The following NHS variants were observed in gnomAD, a reference collection of about 807,000 sequenced individuals.
NHS encodes the protein NHS actin remodeling regulator.
Under a neutral mutation model 72.5 loss-of-function variants are expected in NHS, and 5 were observed. That is an observed-to-expected ratio of 0.07 (90% confidence interval 0.04 to 0.14). NHS has a LOEUF of 0.14. Among genes scored for constraint, NHS ranks in the 10% least tolerant of loss-of-function variants. The probability of loss-of-function intolerance (pLI) is 1.00; values close to 1 mark genes in which losing one functional copy is unlikely to be tolerated. For synonymous variants in NHS, 464 were observed against 547.7 expected, an observed-to-expected ratio of 0.85 and a Z score of 2.13; for missense variants, 1,072 against 1,355.7, an observed-to-expected ratio of 0.79 and a Z score of 3.29.
intron 1 of NHS, among the ~76,000 whole-genome samples, chrX:17,389,109 T>C (rs1159688786): frequency 8.9e-6 from 1 of 112,128 alleles, no homozygotes; most frequent in African/African-American, 3.2e-5. Flanking sequence ...ATTTAAAAAG[T>C]GTCCTAACTA....
At chrX:17,563,578 A>C (rs149838529) in intron 1 of NHS, among the ~76,000 whole-genome samples, 40 of 112,492 alleles carry the variant, frequency 3.6e-4, no homozygotes, top group African/African-American at 1.3e-3. Flanking sequence ...AAAGGTATTG[A>C]AGAGGAAAAG....
At position 17,456,167 on chromosome X, in the gene NHS, G is replaced by A. The variant is rs781562881; in HGVS notation, c.565+79845G>A. Among the ~76,000 whole-genome samples the A allele has an allele frequency of 1.6e-4, 18 of 111,924 alleles. No homozygotes were observed. In the South Asian group the frequency reaches 6.4e-3, roughly 40 times the overall value. On this transcript the variant is annotated intron_variant, in intron 1 of 8. Coordinates refer to ENST00000676302, the MANE Select transcript of NHS (RefSeq NM_001291867.2). ...TTTTGCCCATGAAGAACTCATGTAT[G>A]GAGATCTATGCATACAGACATAAAT... is the stretch of plus-strand genomic sequence containing the variant.
rs796409129 is a variant in NHS at position 17,673,237 on chromosome X, C to CACACAG, written c.566-14504_566-14503insCACAGA. Among the ~76,000 whole-genome samples the CACACAG allele has an allele frequency of 5.8e-3, 548 of 95,013 alleles. 18 individuals are homozygous for CACACAG. Among genetic ancestry groups the CACACAG allele is most frequent in the Middle Eastern group, 0.016 (3 of 184 alleles). The allele number at this position is 95,013 out of a possible 115,157, so 82.5% of individuals were successfully genotyped here. ...ACACACACACACACACACACACACACAAGAAAGCTCGTCTGAGCCAGGGAC... is the reference window on the plus strand; with the variant it reads ...ACACACACACACACACACACACACACACACAGAAGAAAGCTCGTCTGAGCCAGGGAC... On this transcript the variant is annotated intron_variant, in intron 1 of 8. Transcript: ENST00000676302.
chrX:17,677,829 A>C (rs753254248), intron 1 of NHS, among the ~76,000 whole-genome samples: 1 of 111,572 alleles, frequency 9.0e-6, no homozygotes, highest in South Asian at 3.8e-4. Flanking sequence ...TATTTTTGAG[A>C]CAGGGTCTCA....
At chrX:17,665,746 T>G (rs2066009485) in intron 1 of NHS, among the ~76,000 whole-genome samples, 1 of 112,171 alleles carries the variant, frequency 8.9e-6, no homozygotes, top group Admixed American at 9.4e-5. Flanking sequence ...TATTATTTCT[T>G]CCCTAAATGT....
intron 1 of NHS, among the ~76,000 whole-genome samples, chrX:17,472,501 G>T (rs2064896726): frequency 8.9e-6 from 1 of 112,334 alleles, no homozygotes; most frequent in Admixed American, 9.4e-5. Context: ...GAGACAGAGA[G>T]ATCTGATTCC....
chrX:17,426,320 C>T (rs2064657178), intron 1 of NHS, among the ~76,000 whole-genome samples: 1 of 111,964 alleles, frequency 8.9e-6, no homozygotes, highest in Admixed American at 9.5e-5. Flanking sequence ...TGTTTAGCTT[C>T]AGGGGAGGAA....
intron 1 of NHS, among the ~76,000 whole-genome samples, chrX:17,382,665 A>G (rs1031989453): frequency 8.9e-6 from 1 of 112,440 alleles, no homozygotes; most frequent in Non-Finnish European, 1.9e-5. Flanking sequence ...TGAAAAGACC[A>G]TCATTTCCCC....
rs752841030 is a variant in NHS, at chrX:17,721,562, C to T, written c.1037C>T (p.Pro346Leu). The T allele has an allele frequency of 3.3e-6, 4 of 1,209,736 alleles. No individual in the cohort carries two copies. The highest frequency in any genetic ancestry group is 1.7e-5 in the African/African-American group (1 of 57,203). The change falls in exon 5 of 9, where the codon CCG becomes CTG. Residue 346 changes from proline to leucine, a missense_variant. Coordinates refer to ENST00000676302, the MANE Select transcript of NHS (RefSeq NM_001291867.2). ...QTNWSKALPLPTPEEKMKQDA... is the reference protein window; with the variant it reads ...QTNWSKALPLLTPEEKMKQDA... ...AACTGGAGCAAAGCACTACCTCTCC[C>T]GACGCCAGAGGAGAAGATGAAACAA...
chrX:17,700,582 G>A (rs1190543982), intron 3 of NHS, among the ~76,000 whole-genome samples: 1 of 112,200 alleles, frequency 8.9e-6, no homozygotes, highest in Non-Finnish European at 1.9e-5. Flanking sequence ...CTCATACATT[G>A]CTGGTGGAAA....
At chrX:17,482,777 C>A (rs1255264258) in intron 1 of NHS, among the ~76,000 whole-genome samples, 1 of 112,270 alleles carries the variant, frequency 8.9e-6, no homozygotes, top group Non-Finnish European at 1.9e-5. Flanking sequence ...AGGCAGTAAG[C>A]ACCATCCTCC....
At position 17,375,985 on chromosome X, in the gene NHS, G is replaced by A; in HGVS notation, c.228G>A (p.Ala76=). The change falls in exon 1 of 9, where the codon GCG becomes GCA. Residue 76 remains alanine (A), a synonymous_variant. Transcript: ENST00000676302. Reference sequence around the variant, plus strand: ...CACCGCCGCCGCCGCCACTGCCCGCGCCGGCCGACCAGACTCAGCCGCCGC... The same window carrying A: ...CACCGCCGCCGCCGCCACTGCCCGCACCGGCCGACCAGACTCAGCCGCCGC... ...GLPPPPPPLP[A]PADQTQPPHG... 5.6e-6 allele frequency: 6 copies of A among 1,077,116 alleles called. No homozygotes were observed. Among genetic ancestry groups the A allele is most frequent in the Non-Finnish European group, 6.0e-6 (5 of 833,119 alleles). The allele number at this position is 1,077,116 out of a possible 1,213,427, so 88.8% of individuals were successfully genotyped here.
chrX:17,480,647 A>G (rs1718671229), intron 1 of NHS, among the ~76,000 whole-genome samples: 1 of 111,940 alleles, frequency 8.9e-6, no homozygotes, highest in African/African-American at 3.2e-5. Flanking sequence ...TGGATTAAAG[A>G]CTGGAATGTA....
At position 17,443,255 on chromosome X, in the gene NHS, G is replaced by A. The variant is rs748024533; in HGVS notation, c.565+66933G>A. 3.2e-4 allele frequency among the ~76,000 whole-genome samples: 36 copies of A among 112,447 alleles called. No individual in the cohort carries two copies. The South Asian group carries it at 6.3e-3, about 20-fold the overall frequency. The stretch of plus-strand genomic sequence containing the variant: ...CGACTATATACTGAGAAATATTTTC[G>A]TAAATTTCCTAGCCTCCTGTGGTAT... On this transcript the variant is annotated intron_variant, in intron 1 of 8. Coordinates refer to ENST00000676302, the MANE Select transcript of NHS (RefSeq NM_001291867.2).
chrX:17,428,788 C>T (rs1306717493), intron 1 of NHS, among the ~76,000 whole-genome samples: 1 of 111,439 alleles, frequency 9.0e-6, no homozygotes, highest in Non-Finnish European at 1.9e-5. Flanking sequence ...TTGGAACTTC[C>T]TGGTTTCCAG....
intron 1 of NHS, among the ~76,000 whole-genome samples, chrX:17,546,690 G>A (rs771961608): frequency 2.7e-5 from 3 of 112,583 alleles, no homozygotes; most frequent in Admixed American, 9.4e-5. Flanking sequence ...ATATATGCAC[G>A]TGACATAAAT....
chrX:17,508,857 TGTGTGTATTTGC>T (rs374917978), intron 1 of NHS, among the ~76,000 whole-genome samples: 243 of 112,281 alleles, frequency 2.2e-3, no homozygotes, highest in African/African-American at 7.6e-3. Context: ...TGAACATTTG[TGTGTGTATTTGC>T]TTGAGTACTA....
intron 1 of NHS, among the ~76,000 whole-genome samples, chrX:17,642,708 T>A (rs1475896899): frequency 1.8e-5 from 2 of 112,175 alleles, no homozygotes; most frequent in Non-Finnish European, 3.8e-5. Context: ...CGAGTGAAGA[T>A]GTAAATATAA....
chrX:17,410,609 G>A (rs1438930520), intron 1 of NHS, among the ~76,000 whole-genome samples: 1 of 102,096 alleles, frequency 9.8e-6, no homozygotes, highest in Non-Finnish European at 2.0e-5. Context: ...CTTTCCTGGC[G>A]TTCCCAAAAT....
Sources: gnomAD v4.1 joint callset for allele counts (sites outside exome capture counted in the v4.1 genomes callset) on GRCh38, gnomAD v4.1.1 for gene constraint, MANE v1.5 for transcripts, NCBI Gene and HGNC (gene_info 2026-07-23, HGNC 2026-07-21) for gene names.